Variants in TECTA observed in about 807,000 individuals in gnomAD.
TECTA encodes the protein alpha-tectorin.
Under a neutral mutation model 216.8 loss-of-function variants are expected in TECTA, and 128 were observed. That is an observed-to-expected ratio of 0.59 (90% CI 0.51 to 0.68). The LOEUF (loss-of-function observed/expected upper bound fraction) is 0.68, where lower values mean the gene tolerates loss of function less well. Among genes scored for constraint, TECTA ranks in the 30% least tolerant of loss-of-function variants. The probability of loss-of-function intolerance (pLI) is 0.00; values close to 1 mark genes in which losing one functional copy is unlikely to be tolerated. For missense variants in TECTA, 2,551 were observed against 2,786.2 expected (o/e 0.92, Z 1.90); for synonymous variants, 1,089 against 1,117.1 (o/e 0.97, Z 0.50).
chr11:121,118,805 G>T, intron 7 of TECTA, 87 bp downstream of exon 7: 1 of 1,533,194 alleles, frequency 6.5e-7, no homozygotes. Context: ...TACTGGTTCT[G>T]CTGTTTGTCT....
At chr11:121,177,636 C>T (rs11524440) in intron 20 of TECTA, among the ~76,000 whole-genome samples, 18,959 of 152,278 alleles carry the variant, frequency 0.12, 1,596 homozygotes, top group South Asian at 0.33. Flanking sequence ...GTCAGGGACC[C>T]ACTTGAGGAG....
intron 7 of TECTA, among the ~76,000 whole-genome samples, chr11:121,122,951 C>A (rs867760117): frequency 2.0e-5 from 3 of 152,142 alleles, no homozygotes; most frequent in Non-Finnish European, 4.4e-5. Flanking sequence ...GTGAATGGAC[C>A]ATTAAGGGTG....
At chr11:121,188,921 C>T (rs1016510972) in intron 21 of TECTA, among the ~76,000 whole-genome samples, 159 bp from the exon 22 acceptor site, 2 of 152,158 alleles carry the variant, frequency 1.3e-5, no homozygotes, top group South Asian at 2.1e-4. Context: ...CCTAGAGTCC[C>T]AGTGGATTCA....
In TECTA at chr11:121,160,236, G is replaced by C. The variant is rs756164169; in HGVS notation, c.4791G>C (p.Gln1597His). ...TGATTGACACCAGCCCAGACATCCA[G>C]ATATACTACAATGGTTTCAACGTCA... Reference protein sequence around the residue: ...FLVIDTSPDIQIYYNGFNVIK... With the variant: ...FLVIDTSPDIHIYYNGFNVIK... Residue 1597 changes from glutamine (Q) to histidine (H), a missense_variant, in exon 15 of 24, where the codon CAG (glutamine) becomes CAC (histidine). Physicochemically the swap from Gln to His is conservative, Grantham distance 24. This residue lies in a region of TECTA where 2,375 missense variants were observed against 2,563.9 expected (regional missense o/e 0.93). Coordinates refer to ENST00000392793, the MANE Select transcript of TECTA (RefSeq NM_005422.4). 2 of 1,614,196 alleles carry C rather than the reference G, an allele frequency of 1.2e-6. No homozygotes were observed. The highest frequency in any genetic ancestry group is 1.1e-5 in the South Asian group (1 of 91,090).
At chr11:121,115,868 G>T (rs1487666818) in intron 6 of TECTA, among the ~76,000 whole-genome samples, 1 of 152,042 alleles carries the variant, frequency 6.6e-6, no homozygotes, top group South Asian at 2.1e-4. Flanking sequence ...TGTTGCCCAG[G>T]CTGGTCTCAA....
chr11:121,158,143 C>G lies in TECTA; in HGVS notation c.4608C>G (p.Ala1536=). Residue 1536 remains alanine, a synonymous_variant, in exon 14 of 24, where the codon GCC becomes GCG. Transcript: ENST00000392793. The part of the protein sequence containing the change: ...QLIINFDKWS[A]PNLTIISPVY... ...TCATCAACTTCGACAAGTGGTCGGC[C>G]CCCAACCTCACCATCATTTCGCCCG... 1 of 1,614,178 alleles carries G rather than the reference C, an allele frequency of 6.2e-7. No individual in the cohort carries two copies. The highest frequency in any genetic ancestry group is 1.1e-5 in the South Asian group (1 of 91,074).
chr11:121,118,748 A>G, intron 7 of TECTA, 30 bp downstream of exon 7: 2 of 1,612,140 alleles, frequency 1.2e-6, no homozygotes, highest in Non-Finnish European at 8.5e-7. Context: ...TCACGGGGAA[A>G]TGGAGAAGCT....
chr11:121,108,365 CAT>C (rs1434783412), intron 3 of TECTA, among the ~76,000 whole-genome samples: 2 of 151,016 alleles, frequency 1.3e-5, no homozygotes, highest in African/African-American at 2.4e-5. Context: ...AGTACACACA[CAT>C]GTACACACCA....
At chr11:121,173,827 A>G (rs1947138152) in intron 20 of TECTA, among the ~76,000 whole-genome samples, 2 of 152,100 alleles carry the variant, frequency 1.3e-5, no homozygotes, top group Admixed American at 6.6e-5. Context: ...CATGAGCATG[A>G]AATGTTCTTC....
In TECTA at chr11:121,137,919, A is replaced by G. The variant is rs1184726805; in HGVS notation, c.3440A>G (p.Asn1147Ser). The change falls in exon 11 of 24, where the codon AAT (asparagine) becomes AGT (serine). Residue 1147 changes from asparagine to serine, a missense_variant. By Grantham distance (46) the Asn-to-Ser change is conservative. Around this residue, in one of 3 missense-constraint regions of TECTA, gnomAD observed 2,375 missense variants for 2,563.9 expected, o/e 0.93. Coordinates refer to ENST00000392793, the MANE Select transcript of TECTA (RefSeq NM_005422.4). ...SFPKFVVTAK[N>S]EDRDPSLALW... ...CCCAAGTTTGTTGTCACAGCCAAGA[A>G]TGAGGACCGGGACCCGTCACTGGCC... 2 of 1,604,196 alleles carry G rather than the reference A, an allele frequency of 1.2e-6. No individual in the cohort carries two copies. Among genetic ancestry groups the G allele is most frequent in the East Asian group, 4.5e-5 (2 of 44,556 alleles).
chr11:121,184,081 G>A (rs893951080), intron 20 of TECTA, among the ~76,000 whole-genome samples: 3 of 152,158 alleles, frequency 2.0e-5, no homozygotes, highest in Admixed American at 1.3e-4. Context: ...GACCTACCAT[G>A]CCAGCCAGCC....
intron 10 of TECTA, among the ~76,000 whole-genome samples, chr11:121,133,245 C>T (rs1946692728): frequency 6.6e-6 from 1 of 152,168 alleles, no homozygotes; most frequent in South Asian, 2.1e-4. Context: ...TCCTTCCTCC[C>T]TCCCTGCCCT....
intron 3 of TECTA, among the ~76,000 whole-genome samples, chr11:121,108,827 G>A (rs199827045): frequency 7.4e-4 from 58 of 78,302 alleles, no homozygotes; most frequent in African/African-American, 2.5e-3. Flanking sequence ...ACACACTCAC[G>A]CACCTCACCC....
chr11:121,163,652 T>C (rs1171472235), intron 16 of TECTA, among the ~76,000 whole-genome samples: 1 of 152,224 alleles, frequency 6.6e-6, no homozygotes, highest in Non-Finnish European at 1.5e-5. Context: ...AATTAACTGT[T>C]TTGAACTTTT....
rs1371947808 is a variant in TECTA, at chr11:121,132,222, CT to C, written c.2941+2016del. Among the ~76,000 whole-genome samples, 5 of 152,202 alleles carry C rather than the reference CT, an allele frequency of 3.3e-5. No individual in the cohort carries two copies. The East Asian group carries it at 9.6e-4, about 29-fold the overall frequency. On this transcript the variant is annotated intron_variant, in intron 10 of 23. Coordinates refer to ENST00000392793, the MANE Select transcript of TECTA (RefSeq NM_005422.4). ...AGATGTCCTTTTCACCCATTTGTTT[CT>C]TTTTATTTGTTTAGATGACTCATGG...
rs1947085864 is a variant in TECTA, at chr11:121,169,077, C to T, written c.5999+152C>T. ...TTAATTCATCTAATTCTCAAGACAA[C>T]CTATGAGGTAGATATTATAGGCCTC... On this transcript the variant is annotated intron_variant, in intron 20 of 23. Transcript: ENST00000392793. 6 of 1,235,288 alleles carry T rather than the reference C, an allele frequency of 4.9e-6. No homozygotes were observed. The South Asian group carries it at 6.7e-5, about 14-fold the overall frequency. 76.5% of individuals were successfully genotyped at this position (1,235,288 alleles called of 1,614,324 possible).
chr11:121,166,309 G>C (rs1947052676), intron 17 of TECTA, among the ~76,000 whole-genome samples: 1 of 152,208 alleles, frequency 6.6e-6, no homozygotes, highest in Non-Finnish European at 1.5e-5. Context: ...CAGCAAGGTG[G>C]GGGAAGACCT....
chr11:121,137,664 A>G lies in TECTA; in HGVS notation c.3185A>G (p.Tyr1062Cys), dbSNP rs1946744468. Reference sequence around the variant, plus strand: ...GACCTGGACTGCCAGATCTTCTGCTATTGCAGTGGCACAGACAACAGGGTC... The same window carrying G: ...GACCTGGACTGCCAGATCTTCTGCTGTTGCAGTGGCACAGACAACAGGGTC... Reference protein sequence around the residue: ...WVDLDCQIFCYCSGTDNRVHC... With the variant: ...WVDLDCQIFCCCSGTDNRVHC... The change falls in exon 11 of 24, where the codon TAT (tyrosine) becomes TGT (cysteine). Residue 1062 changes from tyrosine (Y) to cysteine (C), a missense_variant. This residue lies in a region of TECTA where 2,375 missense variants were observed against 2,563.9 expected (regional missense o/e 0.93). Transcript: ENST00000392793. 2 of 1,614,014 alleles carry G rather than the reference A, an allele frequency of 1.2e-6. No individual in the cohort carries two copies. Among genetic ancestry groups the G allele is most frequent in the African/African-American group, 1.3e-5 (1 of 74,996 alleles).
In TECTA at chr11:121,127,612, C is replaced by A; in HGVS notation, c.1775-140C>A. 1 of 915,504 alleles carries A rather than the reference C, an allele frequency of 1.1e-6. No individual in the cohort carries two copies. Among genetic ancestry groups the A allele is most frequent in the Non-Finnish European group, 1.8e-6 (1 of 568,332 alleles). 56.7% of individuals were successfully genotyped at this position (915,504 alleles called of 1,614,324 possible). On this transcript the variant is annotated intron_variant, in intron 8 of 23. Transcript: ENST00000392793. This position sits in a 1 kb window ranked among gnomAD's most constrained non-coding sequence, Gnocchi z 5.0. ...TTGAGCTGGGTTTTACAGATACAAC[C>A]TCAATTCTGTCTTCCCCGAGTGGCC...
Sources: gnomAD v4.1 joint callset for allele counts (sites outside exome capture counted in the v4.1 genomes callset) on GRCh38, gnomAD v4.1.1 for gene constraint, gnomAD v4.1.1 regional missense constraint, Gnocchi (gnomAD v3.1) non-coding constraint, MANE v1.5 for transcripts, NCBI Gene and HGNC (gene_info 2026-07-23, HGNC 2026-07-21) for gene names.